Variants in SLC26A2 observed in about 807,000 individuals in gnomAD.
SLC26A2 encodes solute carrier family 26 member 2.
A neutral mutation model predicts 41.1 loss-of-function variants in SLC26A2; 36 were observed. That is an observed-to-expected ratio of 0.88 (90% CI 0.67 to 1.16). The LOEUF is 1.16. Among genes scored for constraint, SLC26A2 ranks in the 50% most tolerant of loss-of-function variants. The pLI, the probability that SLC26A2 is intolerant of heterozygous loss-of-function variation, is 0.00. For missense variants in SLC26A2, 796 were observed against 869.6 expected, an observed-to-expected ratio of 0.92 and a Z score of 1.07; for synonymous variants, 291 against 311.6, an observed-to-expected ratio of 0.93 and a Z score of 0.70.
intron 1 of SLC26A2, among the ~76,000 whole-genome samples, chr5:149,976,923 G>A (rs3756307): frequency 0.14 from 21,200 of 152,228 alleles, 1,675 homozygotes; most frequent in Admixed American, 0.27. Context: ...ACCTTCTACA[G>A]CATGTATGAG....
At chr5:149,963,170 C>T (rs559030006) in intron 1 of SLC26A2, among the ~76,000 whole-genome samples, 2 of 152,038 alleles carry the variant, frequency 1.3e-5, no homozygotes, top group South Asian at 4.2e-4. Flanking sequence ...AGTGCGGTGG[C>T]GCCATCTTGG....
chr5:149,961,284 T>G (rs979087012), intron 1 of SLC26A2, among the ~76,000 whole-genome samples: 13 of 152,094 alleles, frequency 8.5e-5, no homozygotes, highest in Non-Finnish European at 1.5e-5. Context: ...TTTCCAGTCC[T>G]CGTTGATCCG....
At chr5:149,964,948 C>G (rs777071387) in intron 1 of SLC26A2, among the ~76,000 whole-genome samples, 5 of 152,006 alleles carry the variant, frequency 3.3e-5, no homozygotes, top group Non-Finnish European at 5.9e-5. Flanking sequence ...TGAACTATGC[C>G]TGCAACTTTC....
intron 1 of SLC26A2, among the ~76,000 whole-genome samples, chr5:149,965,822 G>T (rs899819019): frequency 3.9e-5 from 6 of 152,176 alleles, no homozygotes; most frequent in Non-Finnish European, 7.3e-5. Flanking sequence ...GAGGAAAAAG[G>T]TTAGGAGTCA....
chr5:149,975,711 T>C (rs1270575559), intron 1 of SLC26A2, among the ~76,000 whole-genome samples: 1 of 152,232 alleles, frequency 6.6e-6, no homozygotes, highest in Non-Finnish European at 1.5e-5. Flanking sequence ...CTAAACAAAA[T>C]GAATATGGGT....
chr5:149,981,298 T>C lies in SLC26A2; in HGVS notation c.1705T>C (p.Tyr569His). 6.2e-7 allele frequency: 1 copy of C among 1,614,164 alleles called. No individual in the cohort carries two copies. The highest frequency in any genetic ancestry group is 8.5e-7 in the Non-Finnish European group (1 of 1,180,002). The change falls in exon 3 of 3, where the codon TAC (tyrosine) becomes CAC (histidine). Residue 569 changes from tyrosine (Y) to histidine (H), a missense_variant. By Grantham distance (83) the Tyr-to-His change is moderately conservative. Transcript: ENST00000286298. The part of the protein sequence containing the change: ...ESEVFESVSA[Y>H]KNLQIKPGIK... ...TGAGGTCTTTGAATCTGTGTCTGCTTACAAGAACCTTCAGATTAAGCCAGG... is the reference window on the plus strand; with the variant it reads ...TGAGGTCTTTGAATCTGTGTCTGCTCACAAGAACCTTCAGATTAAGCCAGG...
chr5:149,981,208 A>C lies in SLC26A2; in HGVS notation c.1615A>C (p.Ile539Leu). The C allele has an allele frequency of 1.2e-6, 2 of 1,614,082 alleles. No individual in the cohort carries two copies. Among genetic ancestry groups the C allele is most frequent in the Non-Finnish European group, 1.7e-6 (2 of 1,179,988 alleles). The change falls in exon 3 of 3, where the codon ATA becomes CTA. Residue 539 changes from isoleucine to leucine, a missense_variant. Transcript: ENST00000286298. The stretch of plus-strand genomic sequence containing the variant: ...CCTACTTGTTGGGGTTTGTTTTTCT[A>C]TATTTTGTGTCATCCTCCGCACTCA... ...IGLLVGVCFS[I>L]FCVILRTQKP...
At chr5:149,975,710 A>C (rs1193883071) in intron 1 of SLC26A2, among the ~76,000 whole-genome samples, 1 of 152,206 alleles carries the variant, frequency 6.6e-6, no homozygotes, top group Non-Finnish European at 1.5e-5. Flanking sequence ...CCTAAACAAA[A>C]TGAATATGGG....
intron 2 of SLC26A2, 96 bp from the exon 3 acceptor site, chr5:149,980,197 C>T: frequency 1.1e-6 from 1 of 925,652 alleles, no homozygotes; most frequent in East Asian, 2.4e-5. Context: ...CTGTGATGCT[C>T]TGATGATATG....
rs945221230 is a variant in SLC26A2 at position 149,977,574 on chromosome 5, T to G, written c.-25-54T>G. 8.8e-6 allele frequency: 8 copies of G among 908,186 alleles called. No individual in the cohort carries two copies. The African/African-American group carries it at 1.3e-4, about 15-fold the overall frequency. 56.3% of individuals were successfully genotyped at this position (908,186 alleles called of 1,614,324 possible). A position where few individuals can be genotyped will look rare whatever the true frequency, so the allele number is the denominator to read the frequency against. ...AATGACAAATAGAATTGTTAGTATA[T>G]GTGAGCACTGAGAATTACTTTATTG... On this transcript the variant is annotated intron_variant, in intron 1 of 2. Coordinates refer to ENST00000286298, the MANE Select transcript of SLC26A2 (RefSeq NM_000112.4).
intron 1 of SLC26A2, among the ~76,000 whole-genome samples, chr5:149,972,582 A>G (rs1754922529): frequency 6.6e-6 from 1 of 152,236 alleles, no homozygotes; most frequent in Non-Finnish European, 1.5e-5. Context: ...TGGGATCCCA[A>G]AATATGCATT....
chr5:149,972,587 T>C (rs1356829516), intron 1 of SLC26A2, among the ~76,000 whole-genome samples: 4 of 152,238 alleles, frequency 2.6e-5, no homozygotes, highest in African/African-American at 9.6e-5. Flanking sequence ...TCCCAAAATA[T>C]GCATTTTATT....
chr5:149,973,968 A>C (rs1455570307), intron 1 of SLC26A2, among the ~76,000 whole-genome samples: 4 of 152,120 alleles, frequency 2.6e-5, no homozygotes, highest in Non-Finnish European at 5.9e-5. Context: ...GCTTAGTAGC[A>C]AGACCTTGTC....
chr5:149,972,820 C>CT (rs1251667571), intron 1 of SLC26A2, among the ~76,000 whole-genome samples: 1 of 148,412 alleles, frequency 6.7e-6, no homozygotes. Context: ...ATCTTACTGG[C>CT]TGTCTTCGTT....
chr5:149,982,137 G>C lies in SLC26A2; in HGVS notation c.*324G>C. 8.0e-6 allele frequency: 2 copies of C among 249,740 alleles called. No homozygotes were observed. The highest frequency in any genetic ancestry group is 7.6e-6 in the Non-Finnish European group (1 of 130,756). 15.5% of individuals were successfully genotyped at this position (249,740 alleles called of 1,614,324 possible). A position where few individuals can be genotyped will look rare whatever the true frequency, so the allele number is the denominator to read the frequency against. ...TCCTGTTTTAGGGGTTATACATTTG[G>C]ACTGTGCATTCTCCAAGAGATGAAG... On this transcript the variant is annotated 3_prime_UTR_variant, in exon 3 of 3. Transcript: ENST00000286298.
intron 1 of SLC26A2, among the ~76,000 whole-genome samples, chr5:149,966,968 G>A (rs903402284): frequency 2.0e-5 from 3 of 152,142 alleles, no homozygotes; most frequent in Admixed American, 6.5e-5. Context: ...ATTCAGTGAC[G>A]ATTTCTTAGG....
At chr5:149,963,008 A>G (rs2113685109) in intron 1 of SLC26A2, among the ~76,000 whole-genome samples, 1 of 152,350 alleles carries the variant, frequency 6.6e-6, no homozygotes, top group East Asian at 1.9e-4. Flanking sequence ...GGAGAAAAAT[A>G]AAGGGCATAG....
intron 1 of SLC26A2, among the ~76,000 whole-genome samples, chr5:149,968,412 T>C (rs1754842629): frequency 6.6e-6 from 1 of 151,374 alleles, no homozygotes; most frequent in Non-Finnish European, 1.5e-5. Flanking sequence ...TTTTTTAATT[T>C]TATTTATGTT....
intron 1 of SLC26A2, among the ~76,000 whole-genome samples, chr5:149,970,820 CA>C (rs1457918088): frequency 6.6e-6 from 1 of 152,136 alleles, no homozygotes; most frequent in Non-Finnish European, 1.5e-5. Context: ...CAAGGCACAA[CA>C]GACAGGATTT....
Sources: gnomAD v4.1 joint callset for allele counts (sites outside exome capture counted in the v4.1 genomes callset) on GRCh38, gnomAD v4.1.1 for gene constraint, MANE v1.5 for transcripts, NCBI Gene and HGNC (gene_info 2026-07-23, HGNC 2026-07-21) for gene names.